The following ATR variants were observed in gnomAD, a reference collection of about 807,000 sequenced individuals.
ATR encodes the protein serine/threonine-protein kinase ATR.
In ATR, 142 loss-of-function variants were observed where a neutral mutation model predicts 305.3. That is an observed-to-expected ratio of 0.47 (90% CI 0.41 to 0.53). The LOEUF (loss-of-function observed/expected upper bound fraction) is 0.53. Ranked by LOEUF, ATR falls within the 20% of genes least tolerant of loss-of-function variation. The pLI is 0.00. For synonymous variants in ATR, 1,050 were observed against 1,068.1 expected, an observed-to-expected ratio of 0.98 and a Z score of 0.33; for missense variants, 2,135 against 3,133.1, an observed-to-expected ratio of 0.68 and a Z score of 7.60.
At position 142,566,630 on chromosome 3, in the gene ATR, A is replaced by T. The variant is rs529613417; in HGVS notation, c.152-369T>A. Among the ~76,000 whole-genome samples, 12 of 141,708 alleles carry T rather than the reference A, an allele frequency of 8.5e-5. No homozygotes were observed. The East Asian group carries it at 2.0e-3, about 24-fold the overall frequency. The allele number at this position is 141,708 out of a possible 152,430, so 93.0% of individuals were successfully genotyped here. A position where few individuals can be genotyped will look rare whatever the true frequency, so the allele number is the denominator to read the frequency against. ...AAGCAAGACTCTGTCTCTTAAAATT[A>T]AAAAAAAAAAAACAAAAAGTGGGGT... On this transcript the variant is annotated intron_variant, in intron 2 of 46. Transcript: ENST00000350721.
At chr3:142,488,888 C>T (rs2031113416) in intron 35 of ATR, among the ~76,000 whole-genome samples, 1 of 152,140 alleles carries the variant, frequency 6.6e-6, no homozygotes, top group African/African-American at 2.4e-5. Flanking sequence ...TGAGTCTTCC[C>T]ATTCATACAT....
chr3:142,570,545 C>A (rs571408622), intron 1 of ATR, among the ~76,000 whole-genome samples: 1 of 152,298 alleles, frequency 6.6e-6, no homozygotes, highest in Admixed American at 6.5e-5. Context: ...TACCACCACG[C>A]CTGGCTAATT....
chr3:142,552,587 G>A (rs938463470), intron 13 of ATR, among the ~76,000 whole-genome samples: 10 of 149,410 alleles, frequency 6.7e-5, no homozygotes, highest in South Asian at 4.2e-4. Flanking sequence ...GGAGAATCAC[G>A]TGAACCTGGG....
At chr3:142,484,701 AAGG>A (rs2030794109) in intron 36 of ATR, among the ~76,000 whole-genome samples, 1 of 152,128 alleles carries the variant, frequency 6.6e-6, no homozygotes, top group African/African-American at 2.4e-5. Context: ...CAACTAAGGG[AAGG>A]AGGAGATGGT....
chr3:142,534,998 C>G, intron 21 of ATR, 82 bp downstream of exon 21: 1 of 1,454,312 alleles, frequency 6.9e-7, no homozygotes, highest in Non-Finnish European at 9.3e-7. Flanking sequence ...AAATCTCAAA[C>G]AAAAATGTCA....
In ATR at chr3:142,485,169, G is replaced by A. The variant is rs267599632; in HGVS notation, c.6192C>T (p.Leu2064=). 3 of 1,614,118 alleles carry A rather than the reference G, an allele frequency of 1.9e-6. No homozygotes were observed. In the South Asian group the frequency reaches 3.3e-5, roughly 18 times the overall value. The change falls in exon 36 of 47, where the codon CTC becomes CTT. Residue 2064 remains leucine, a synonymous_variant. Coordinates refer to ENST00000350721, the MANE Select transcript of ATR (RefSeq NM_001184.4). The part of the protein sequence containing the change: ...TDNKMEKQGD[L]IRYIVLHFGR... ...CAAAATGAAGAACTATATACCGGAT[G>A]AGATCACCTTGCTTTTCCATTTTGT...
rs541613631 is a variant in ATR, at chr3:142,536,249, A to G, written c.3726-48T>C. ...AGAATTATTTGCCAAGAATATGAAT[A>G]CTAAAAAAATGTAAAGTAAAAGTTG... On this transcript the variant is annotated intron_variant, in intron 19 of 46. Coordinates refer to ENST00000350721, the MANE Select transcript of ATR (RefSeq NM_001184.4). 1.1e-4 allele frequency: 147 copies of G among 1,316,902 alleles called. 1 individual carries two copies. The South Asian group carries it at 1.7e-3, about 16-fold the overall frequency. 81.6% of individuals were successfully genotyped at this position (1,316,902 alleles called of 1,614,324 possible).
intron 34 of ATR, among the ~76,000 whole-genome samples, 172 bp downstream of exon 34, chr3:142,496,189 A>G (rs1413310040): frequency 6.7e-6 from 1 of 150,076 alleles, no homozygotes; most frequent in Non-Finnish European, 1.5e-5. Context: ...TAGATAACTA[A>G]TGAAGAAAAG....
chr3:142,541,606 T>C (rs1166814985), intron 17 of ATR, among the ~76,000 whole-genome samples: 3 of 152,210 alleles, frequency 2.0e-5, no homozygotes, highest in African/African-American at 4.8e-5. Context: ...CTCCAGTTTA[T>C]AATGAAGGGG....
intron 13 of ATR, among the ~76,000 whole-genome samples, chr3:142,550,805 A>T (rs886079128): frequency 1.7e-4 from 26 of 151,358 alleles, no homozygotes; most frequent in Non-Finnish European, 1.6e-4. Context: ...TTTTTTTTTT[A>T]AAGACAGAGT....
At chr3:142,476,583 T>C (rs113913002) in intron 36 of ATR, among the ~76,000 whole-genome samples, 7,688 of 152,240 alleles carry the variant, frequency 0.05, 658 homozygotes, top group African/African-American at 0.17. Context: ...GCAGGCTCTT[T>C]TTTGGTTTCA....
At chr3:142,473,989 C>T (rs142153031) in intron 36 of ATR, among the ~76,000 whole-genome samples, 1,883 of 144,840 alleles carry the variant, frequency 0.013, 43 homozygotes, top group African/African-American at 0.046. Context: ...TGCAGAGGCA[C>T]GATCTTGGTT....
At chr3:142,514,678 A>C (rs1398652362) in intron 25 of ATR, among the ~76,000 whole-genome samples, 1 of 150,650 alleles carries the variant, frequency 6.6e-6, no homozygotes, top group African/African-American at 2.4e-5. Flanking sequence ...GTGATGACTC[A>C]TGCCTGTAAT....
intron 36 of ATR, among the ~76,000 whole-genome samples, chr3:142,479,520 G>A (rs138406320): frequency 0.012 from 1,884 of 152,132 alleles, 42 homozygotes; most frequent in African/African-American, 0.042. Flanking sequence ...TGCCCTTAAC[G>A]TTCGTTCCTT....
chr3:142,568,240 A>G, intron 1 of ATR, 86 bp from the exon 2 acceptor site: 1 of 979,316 alleles, frequency 1.0e-6, no homozygotes, highest in Non-Finnish European at 1.6e-6. Flanking sequence ...AACTCATCAA[A>G]TGTGTTCAGT....
intron 22 of ATR, among the ~76,000 whole-genome samples, chr3:142,523,670 C>A (rs1374717182): frequency 6.6e-5 from 10 of 151,966 alleles, no homozygotes; most frequent in Non-Finnish European, 1.2e-4. Context: ...CTGTAATATC[C>A]TGGAAACTAG....
At chr3:142,572,515 G>A (rs1219456232) in intron 1 of ATR, among the ~76,000 whole-genome samples, 1 of 150,714 alleles carries the variant, frequency 6.6e-6, no homozygotes, top group Non-Finnish European at 1.5e-5. Context: ...GCTCATGCCT[G>A]TAATCCCAGT....
At chr3:142,469,266 G>A (rs1014768444) in intron 38 of ATR, 71 bp downstream of exon 38, 2 of 1,254,832 alleles carry the variant, frequency 1.6e-6, no homozygotes, top group Admixed American at 3.7e-5. Context: ...CTACATATTA[G>A]TATTACATAA....
chr3:142,528,904 G>T (rs1559967200), intron 21 of ATR, among the ~76,000 whole-genome samples: 2 of 16,244 alleles, frequency 1.2e-4, no homozygotes, highest in African/African-American at 4.8e-4. Flanking sequence ...TTTTTTTTGA[G>T]GCAGAGTCTC....
Sources: gnomAD v4.1 joint callset for allele counts (sites outside exome capture counted in the v4.1 genomes callset) on GRCh38, gnomAD v4.1.1 for gene constraint, MANE v1.5 for transcripts, NCBI Gene and HGNC (gene_info 2026-07-23, HGNC 2026-07-21) for gene names.